GRM7: variants seen among roughly 807,000 people sequenced by gnomAD.
GRM7 encodes the protein glutamate metabotropic receptor 7, also known as metabotropic glutamate receptor 7.
A neutral mutation model predicts 84.5 loss-of-function variants in GRM7; 35 were observed. The observed-to-expected ratio is 0.41, with a 90% CI of 0.32 to 0.55. The LOEUF (loss-of-function observed/expected upper bound fraction) is 0.55. Ranked by LOEUF, GRM7 falls within the 20% of genes least tolerant of loss-of-function variation. The probability of loss-of-function intolerance (pLI) is 0.19; values close to 1 mark genes in which losing one functional copy is unlikely to be tolerated. For synonymous variants in GRM7, 487 were observed against 455.1 expected (o/e 1.07, Z -0.89); for missense variants, 1,003 against 1,194.6 (o/e 0.84, Z 2.36).
intron 2 of GRM7, among the ~76,000 whole-genome samples, chr3:7,239,462 T>G (rs1254835957): frequency 6.6e-6 from 1 of 152,176 alleles, no homozygotes; most frequent in East Asian, 1.9e-4. Context: ...CTTTATGGAC[T>G]GACCATGAAC....
chr3:6,936,518 A>G lies in GRM7; in HGVS notation c.519+74611A>G, dbSNP rs148186479. Among the ~76,000 whole-genome samples the G allele has an allele frequency of 3.2e-4, 48 of 152,092 alleles. No individual in the cohort carries two copies. The East Asian group carries it at 9.3e-3, about 29-fold the overall frequency. ...TATCTGCTACTCTTCTATTTTTTTGAGTTCTCTTTACTTATCACCATTCAT... is the reference window on the plus strand; with the variant it reads ...TATCTGCTACTCTTCTATTTTTTTGGGTTCTCTTTACTTATCACCATTCAT... On this transcript the variant is annotated intron_variant, in intron 1 of 9. Coordinates refer to ENST00000357716, the MANE Select transcript of GRM7 (RefSeq NM_000844.4).
chr3:7,278,773 G>GA (rs144916487), intron 2 of GRM7, among the ~76,000 whole-genome samples: 114 of 152,258 alleles, frequency 7.5e-4, no homozygotes, highest in African/African-American at 2.7e-3. Flanking sequence ...AACATTAAAA[G>GA]ACCTGAGTTC....
intron 7 of GRM7, among the ~76,000 whole-genome samples, chr3:7,508,134 G>A (rs187760871): frequency 6.6e-6 from 1 of 152,138 alleles, no homozygotes; most frequent in Non-Finnish European, 1.5e-5. Context: ...ATTTTTTAGT[G>A]CTGGTTGATT....
At chr3:7,044,937 A>T (rs76444168) in intron 1 of GRM7, among the ~76,000 whole-genome samples, 1 of 152,158 alleles carries the variant, frequency 6.6e-6, no homozygotes, top group African/African-American at 2.4e-5. Flanking sequence ...TTTTTGACAG[A>T]AACTTTAGAG....
At chr3:7,229,248 TACTC>T (rs2124894050) in intron 2 of GRM7, among the ~76,000 whole-genome samples, 1 of 152,332 alleles carries the variant, frequency 6.6e-6, no homozygotes, top group South Asian at 2.1e-4. Context: ...ACAAAATACT[TACTC>T]TGTAGAAATA....
At chr3:7,616,471 C>G (rs2125084282) in intron 8 of GRM7, among the ~76,000 whole-genome samples, 1 of 152,238 alleles carries the variant, frequency 6.6e-6, no homozygotes, top group East Asian at 1.9e-4. Context: ...CTGCTCAAAA[C>G]TTTCCCTAGG....
intron 1 of GRM7, among the ~76,000 whole-genome samples, chr3:6,969,548 G>T (rs977533500): frequency 3.3e-5 from 5 of 152,136 alleles, no homozygotes; most frequent in Non-Finnish European, 5.9e-5. Context: ...GCACTATAAA[G>T]AGCTCTGTCA....
At chr3:7,552,863 C>G (rs951902194) in intron 7 of GRM7, among the ~76,000 whole-genome samples, 4 of 152,230 alleles carry the variant, frequency 2.6e-5, no homozygotes, top group Non-Finnish European at 5.9e-5. Flanking sequence ...TCCACATTGT[C>G]TTGGTGATTT....
intron 4 of GRM7, among the ~76,000 whole-genome samples, chr3:7,309,108 G>C (rs549020882): frequency 3.6e-4 from 55 of 152,276 alleles, no homozygotes; most frequent in Non-Finnish European, 6.0e-4. Context: ...TTGTGGCCAT[G>C]TACAAAAATG....
At chr3:7,561,173 G>A (rs1344241989) in intron 7 of GRM7, among the ~76,000 whole-genome samples, 2 of 152,032 alleles carry the variant, frequency 1.3e-5, no homozygotes, top group Non-Finnish European at 1.5e-5. Flanking sequence ...GTTTTCTCAA[G>A]CTATTCACTG....
Position 7,550,195 on chromosome 3 carries a change from A to G in GRM7, c.1516-28227A>G, listed in dbSNP as rs914143502. On this transcript the variant is annotated intron_variant, in intron 7 of 9. Transcript: ENST00000357716. ...AATTGGGTAACTGCCCAGAGGCCAAAAAAAAACCTAAAAGGTAGAAAGCAA... is the reference window on the plus strand; with the variant it reads ...AATTGGGTAACTGCCCAGAGGCCAAGAAAAAACCTAAAAGGTAGAAAGCAA... Among the ~76,000 whole-genome samples, 7 of 151,788 alleles carry G rather than the reference A, an allele frequency of 4.6e-5. 1 individual carries two copies. The highest frequency in any genetic ancestry group is 1.0e-4 in the Non-Finnish European group (7 of 67,972).
rs538012073 is a variant in GRM7, at chr3:6,938,432, A to G, written c.519+76525A>G. On this transcript the variant is annotated intron_variant, in intron 1 of 9. Coordinates refer to ENST00000357716, the MANE Select transcript of GRM7 (RefSeq NM_000844.4). ...CTGCTCTGTCTCCCACTGATCCTAGAGTCTTCAGTTGAGGAGCTACAGTCC... is the reference window on the plus strand; with the variant it reads ...CTGCTCTGTCTCCCACTGATCCTAGGGTCTTCAGTTGAGGAGCTACAGTCC... Among the ~76,000 whole-genome samples, 193 of 152,282 alleles carry G rather than the reference A, an allele frequency of 1.3e-3. 1 individual carries two copies. Among genetic ancestry groups the G allele is most frequent in the Non-Finnish European group, 2.3e-3 (159 of 68,032 alleles).
Position 7,516,164 on chromosome 3 carries a change from CAA to C in GRM7, c.1515+54465_1515+54466del, listed in dbSNP as rs35256206. On this transcript the variant is annotated intron_variant, in intron 7 of 9. Coordinates refer to ENST00000357716, the MANE Select transcript of GRM7 (RefSeq NM_000844.4). ...GGGCAACAGAGTTGACACCATATCT[CAA>C]AAAAAAAAAAAAAAAAAAAAAAGGG... Among the ~76,000 whole-genome samples the C allele has an allele frequency of 4.1e-4, 13 of 31,420 alleles. No individual in the cohort carries two copies. In the South Asian group the frequency reaches 5.9e-3, roughly 14 times the overall value. The allele number at this position is 31,420 out of a possible 152,430, so 20.6% of individuals were successfully genotyped here. A position where few individuals can be genotyped will look rare whatever the true frequency, so the allele number is the denominator to read the frequency against.
intron 8 of GRM7, among the ~76,000 whole-genome samples, chr3:7,588,507 C>A (rs1293573637): frequency 2.6e-5 from 4 of 152,184 alleles, no homozygotes. Flanking sequence ...TTGCAGGTTT[C>A]AAGGAGGGCC....
At chr3:6,914,207 A>G (rs1696867181) in intron 1 of GRM7, among the ~76,000 whole-genome samples, 1 of 152,154 alleles carries the variant, frequency 6.6e-6, no homozygotes, top group Admixed American at 6.6e-5. Context: ...TCAATAAACC[A>G]TTAGTAGGTT....
intron 1 of GRM7, among the ~76,000 whole-genome samples, chr3:6,905,647 CTTTAT>C (rs1696548648): frequency 6.6e-6 from 1 of 151,908 alleles, no homozygotes; most frequent in Non-Finnish European, 1.5e-5. Context: ...TTTTGAAAAC[CTTTAT>C]TTTGTTTCTC....
intron 7 of GRM7, among the ~76,000 whole-genome samples, chr3:7,488,410 T>C (rs1027654436): frequency 6.6e-6 from 1 of 152,124 alleles, no homozygotes; most frequent in African/African-American, 2.4e-5. Flanking sequence ...GTGACAGTGT[T>C]GGGAGGTGGT....
At chr3:7,487,581 G>T (rs1335193914) in intron 7 of GRM7, among the ~76,000 whole-genome samples, 1 of 152,176 alleles carries the variant, frequency 6.6e-6, no homozygotes, top group African/African-American at 2.4e-5. Context: ...AGTGGTCCCA[G>T]GTGTGACTCA....
intron 9 of GRM7, among the ~76,000 whole-genome samples, chr3:7,687,399 G>A (rs939514045): frequency 6.6e-6 from 1 of 152,196 alleles, no homozygotes; most frequent in Non-Finnish European, 1.5e-5. Context: ...TTACACGACA[G>A]TGGAAAACAA....
Sources: allele counts gnomAD v4.1 joint callset (sites outside exome capture counted in the v4.1 genomes callset), GRCh38; gene constraint gnomAD v4.1.1; transcripts MANE v1.5; gene names NCBI Gene and HGNC (gene_info 2026-07-23, HGNC 2026-07-21).